The following DNAH8 variants were observed in gnomAD, a reference collection of about 807,000 sequenced individuals.
The protein encoded by DNAH8 is dynein axonemal heavy chain 8.
DNAH8 carries 382 observed loss-of-function variants against 562.1 expected under a neutral mutation model. The observed-to-expected ratio is 0.68, with a 90% CI of 0.63 to 0.74. The LOEUF is 0.74. Ranked by LOEUF, DNAH8 falls within the 30% of genes least tolerant of loss-of-function variation. The pLI is 0.00. For synonymous variants in DNAH8, 1,881 were observed against 1,919.4 expected, an observed-to-expected ratio of 0.98 and a Z score of 0.52; for missense variants, 5,203 against 5,620.4, an observed-to-expected ratio of 0.93 and a Z score of 2.37.
intron 75 of DNAH8, 134 bp from the exon 76 acceptor site, chr6:38,931,677 T>G: frequency 2.0e-6 from 1 of 509,880 alleles, no homozygotes; most frequent in Non-Finnish European, 3.5e-6. Context: ...GATCAGTGAT[T>G]AAAATTTTGT....
In DNAH8 at chr6:38,770,395, CT is replaced by C; in HGVS notation, c.1618-14del. The C allele has an allele frequency of 6.6e-7, 1 of 1,509,448 alleles. No individual in the cohort carries two copies. The highest frequency in any genetic ancestry group is 8.9e-7 in the Non-Finnish European group (1 of 1,119,192). 93.5% of individuals were successfully genotyped at this position (1,509,448 alleles called of 1,614,324 possible). ...ATGTCTCACTTTCTTTTCCCTATTT[CT>C]TTTACTTTTCTCATAGGACTGCATT... On this transcript the variant is annotated splice_polypyrimidine_tract_variant and intron_variant, in intron 11 of 92. Coordinates refer to ENST00000327475, the MANE Select transcript of DNAH8 (RefSeq NM_001206927.2).
At chr6:38,715,903 A>AAAATAAAT (rs767028862) in intron 1 of DNAH8, among the ~76,000 whole-genome samples, 9 of 65,224 alleles carry the variant, frequency 1.4e-4, no homozygotes, top group African/African-American at 5.3e-4. Context: ...AAAAGCTATT[A>AAAATAAAT]AAATAAATAA....
At chr6:38,987,291 C>A (rs952394199) in intron 87 of DNAH8, among the ~76,000 whole-genome samples, 1 of 152,188 alleles carries the variant, frequency 6.6e-6, no homozygotes, top group African/African-American at 2.4e-5. Context: ...TCTCTGACCC[C>A]TCTCCTGCCT....
At chr6:38,972,382 A>G (rs768116447) in intron 83 of DNAH8, among the ~76,000 whole-genome samples, 2 of 152,190 alleles carry the variant, frequency 1.3e-5, no homozygotes, top group Non-Finnish European at 2.9e-5. Flanking sequence ...TGGGTCATCA[A>G]CTTTTCCAGC....
intron 62 of DNAH8, among the ~76,000 whole-genome samples, chr6:38,901,313 TTAC>T (rs1419035781): frequency 6.6e-6 from 1 of 152,172 alleles, no homozygotes; most frequent in Non-Finnish European, 1.5e-5. Context: ...CACATAAAAT[TTAC>T]TACTTTCTCA....
intron 57 of DNAH8, among the ~76,000 whole-genome samples, chr6:38,887,757 G>A (rs1779049123): frequency 6.6e-6 from 1 of 151,100 alleles, no homozygotes; most frequent in African/African-American, 2.4e-5. Flanking sequence ...TTACATACAC[G>A]AGAAACAGAC....
At chr6:38,936,773 TG>T (rs1783005942) in intron 77 of DNAH8, among the ~76,000 whole-genome samples, 1 of 152,094 alleles carries the variant, frequency 6.6e-6, no homozygotes, top group South Asian at 2.1e-4. Flanking sequence ...CCTCTCTCCT[TG>T]AGGTTAATCC....
At chr6:38,993,840 A>G (rs1764956242) in intron 88 of DNAH8, among the ~76,000 whole-genome samples, 1 of 152,120 alleles carries the variant, frequency 6.6e-6, no homozygotes, top group African/African-American at 2.4e-5. Context: ...ATGGGCATTT[A>G]GGTTGCTTCC....
At chr6:38,907,826 A>T in intron 63 of DNAH8, 130 bp from the exon 64 acceptor site, 1 of 741,376 alleles carries the variant, frequency 1.3e-6, no homozygotes, top group Non-Finnish European at 2.0e-6. Context: ...CAGGGATTTG[A>T]CTGTGGAGAT....
chr6:38,973,354 C>T (rs948306098), intron 83 of DNAH8, among the ~76,000 whole-genome samples: 1 of 152,068 alleles, frequency 6.6e-6, no homozygotes, highest in Non-Finnish European at 1.5e-5. Flanking sequence ...CCAAAATACC[C>T]GTTCCCACCA....
intron 37 of DNAH8, 102 bp from the exon 38 acceptor site, chr6:38,850,149 T>C (rs1775626936): frequency 3.7e-6 from 4 of 1,095,186 alleles, no homozygotes; most frequent in African/African-American, 3.2e-5. Context: ...CTGAGACTAA[T>C]AGAGGCTGGT....
intron 52 of DNAH8, among the ~76,000 whole-genome samples, chr6:38,874,182 C>G (rs1407610287): frequency 1.7e-5 from 1 of 59,566 alleles, no homozygotes; most frequent in African/African-American, 5.4e-5. Flanking sequence ...TTCTTTCTTT[C>G]TCTCTCTCTT....
intron 44 of DNAH8, among the ~76,000 whole-genome samples, chr6:38,863,598 G>A (rs948560666): frequency 1.3e-5 from 2 of 152,160 alleles, no homozygotes; most frequent in South Asian, 2.1e-4. Flanking sequence ...GATCCAATCT[G>A]TCAGCAAACA....
rs762400523 is a variant in DNAH8, at chr6:38,894,771, A to G, written c.8654A>G (p.Gln2885Arg). 1 of 1,614,074 alleles carries G rather than the reference A, an allele frequency of 6.2e-7. No homozygotes were observed. The highest frequency in any genetic ancestry group is 8.5e-7 in the Non-Finnish European group (1 of 1,179,994). The change falls in exon 59 of 93, where the codon CAA (glutamine) becomes CGA (arginine). Residue 2885 changes from glutamine to arginine, a missense_variant. By Grantham distance (43) the Gln-to-Arg change is conservative (BLOSUM62 1). Around this residue, in one of 6 missense-constraint regions of DNAH8, gnomAD observed 977 missense variants for 1,061.8 expected, o/e 0.92. Coordinates refer to ENST00000327475, the MANE Select transcript of DNAH8 (RefSeq NM_001206927.2). ...FNLRDLSRIW[Q>R]GMLTIKAEEC... ...CTTCGAGATCTTTCCAGAATTTGGC[A>G]AGGAATGTTGACCATAAAAGCTGAG...
At chr6:38,904,100 A>G (rs954930289) in intron 62 of DNAH8, among the ~76,000 whole-genome samples, 2 of 152,174 alleles carry the variant, frequency 1.3e-5, no homozygotes, top group Non-Finnish European at 2.9e-5. Flanking sequence ...TTATTATTAA[A>G]TGCTTACTTT....
At chr6:38,732,088 C>T (rs1412957816) in intron 4 of DNAH8, among the ~76,000 whole-genome samples, 1 of 152,288 alleles carries the variant, frequency 6.6e-6, no homozygotes, top group Admixed American at 6.5e-5. Flanking sequence ...TTATATAATA[C>T]ATTTTATTCT....
At chr6:38,929,352 T>C (rs1782355297) in intron 74 of DNAH8, 159 bp from the exon 75 acceptor site, 1 of 671,272 alleles carries the variant, frequency 1.5e-6, no homozygotes, top group South Asian at 2.8e-5. Context: ...CACCAAGTTT[T>C]AGAAATTAAT....
At chr6:38,815,367 A>G in intron 25 of DNAH8, 101 bp from the exon 26 acceptor site, 2 of 884,148 alleles carry the variant, frequency 2.3e-6, no homozygotes, top group Non-Finnish European at 3.5e-6. Context: ...GCACTGGGCC[A>G]GCCGAGGCTT....
intron 7 of DNAH8, among the ~76,000 whole-genome samples, chr6:38,739,416 C>A (rs1160600824): frequency 2.6e-5 from 4 of 152,124 alleles, no homozygotes; most frequent in Admixed American, 6.5e-5. Context: ...CTCTTAAATT[C>A]TTTATTTATT....
Sources: gnomAD v4.1 joint callset for allele counts (sites outside exome capture counted in the v4.1 genomes callset) on GRCh38, gnomAD v4.1.1 for gene constraint, gnomAD v4.1.1 regional missense constraint, MANE v1.5 for transcripts, NCBI Gene and HGNC (gene_info 2026-07-23, HGNC 2026-07-21) for gene names.